The following AGMO variants were observed in gnomAD, a reference collection of about 807,000 sequenced individuals.
AGMO encodes the protein alkylglycerol monooxygenase.
Under a neutral mutation model 60.2 loss-of-function variants are expected in AGMO, and 75 were observed. That is an observed-to-expected ratio of 1.25 (90% CI 1.03 to 1.51). The LOEUF (loss-of-function observed/expected upper bound fraction) is 1.51. AGMO is among the 40% of genes most tolerant of loss of function. The pLI is 0.00. For synonymous variants in AGMO, 261 were observed against 177.1 expected, an observed-to-expected ratio of 1.47 and a Z score of -3.76; for missense variants, 763 against 525.5, an observed-to-expected ratio of 1.45 and a Z score of -4.42.
At chr7:15,270,214 T>A (rs1378876902) in intron 12 of AGMO, among the ~76,000 whole-genome samples, 1 of 151,890 alleles carries the variant, frequency 6.6e-6, no homozygotes, top group African/African-American at 2.4e-5. Flanking sequence ...GTTGTACTAA[T>A]TTACATTCCC....
chr7:15,365,009 A>G (rs1004596779), intron 12 of AGMO, among the ~76,000 whole-genome samples: 5 of 152,066 alleles, frequency 3.3e-5, no homozygotes, highest in South Asian at 2.1e-4. Context: ...TTCTTGGAAG[A>G]TAAGAATTAA....
intron 12 of AGMO, among the ~76,000 whole-genome samples, chr7:15,217,800 A>T (rs1781787949): frequency 6.6e-6 from 1 of 152,006 alleles, no homozygotes; most frequent in South Asian, 2.1e-4. Flanking sequence ...TAACAATAGA[A>T]AGCAAAATAG....
intron 12 of AGMO, among the ~76,000 whole-genome samples, chr7:15,348,811 C>G (rs139159841): frequency 1.0e-3 from 153 of 152,106 alleles, no homozygotes; most frequent in African/African-American, 3.4e-3. Flanking sequence ...ATGAAAATCA[C>G]ATGCAAAAAT....
chr7:15,404,308 C>T (rs1259767022), intron 5 of AGMO, among the ~76,000 whole-genome samples: 1 of 151,828 alleles, frequency 6.6e-6, no homozygotes, highest in Non-Finnish European at 1.5e-5. Flanking sequence ...TTACATTATT[C>T]TTCAAACAAA....
chr7:15,396,592 G>A (rs1009599179), intron 5 of AGMO: 3 of 152,214 alleles, frequency 2.0e-5, no homozygotes, highest in Non-Finnish European at 4.4e-5. Flanking sequence ...TGCTTGGATC[G>A]CCAGCTTTTA....
intron 3 of AGMO, among the ~76,000 whole-genome samples, chr7:15,465,728 G>T (rs2128510293): frequency 6.6e-6 from 1 of 151,604 alleles, no homozygotes; most frequent in Admixed American, 6.6e-5. Flanking sequence ...TTACAGGCGT[G>T]AGCACCACAC....
rs925008517 is a variant in AGMO, at chr7:15,277,978, T to C, written c.1264-76619A>G. Among the ~76,000 whole-genome samples the C allele has an allele frequency of 4.6e-5, 7 of 152,214 alleles. No homozygotes were observed. In the East Asian group the frequency reaches 1.4e-3, roughly 30 times the overall value. The stretch of plus-strand genomic sequence containing the variant: ...GGTCTCTGTGGAGGTGAGGGGTCTG[T>C]ACAAGTTTTACATCCAAGATAGACA... On this transcript the variant is annotated intron_variant, in intron 12 of 12. Coordinates refer to ENST00000342526, the MANE Select transcript of AGMO (RefSeq NM_001004320.2).
At chr7:15,384,485 A>G (rs117933187) in intron 10 of AGMO, among the ~76,000 whole-genome samples, 5,687 of 152,060 alleles carry the variant, frequency 0.037, 144 homozygotes, top group South Asian at 0.11. Context: ...ATTTTTGTAT[A>G]TTTTATCCAT....
At chr7:15,298,398 T>C (rs568323627) in intron 12 of AGMO, among the ~76,000 whole-genome samples, 10 of 152,206 alleles carry the variant, frequency 6.6e-5, no homozygotes, top group Admixed American at 2.0e-4. Context: ...TGTGTGTCTG[T>C]GTGTGTTTGT....
At chr7:15,379,808 C>T (rs879780724) in intron 10 of AGMO, among the ~76,000 whole-genome samples, 2 of 152,052 alleles carry the variant, frequency 1.3e-5, no homozygotes, top group African/African-American at 4.8e-5. Context: ...AAAAGCTTAT[C>T]CACCATGATT....
At chr7:15,278,132 T>G (rs1055783792) in intron 12 of AGMO, among the ~76,000 whole-genome samples, 1 of 152,130 alleles carries the variant, frequency 6.6e-6, no homozygotes, top group African/African-American at 2.4e-5. Context: ...GTCCCACAGC[T>G]CTACACAGGA....
chr7:15,170,519 T>A, the AGMO span, among the ~76,000 whole-genome samples: 1 of 152,190 alleles, frequency 6.6e-6, no homozygotes, highest in Non-Finnish European at 1.5e-5. Flanking sequence ...TACATCTATA[T>A]GCACTTTCCA....
chr7:15,486,219 A>C (rs1177918382), intron 3 of AGMO, among the ~76,000 whole-genome samples: 2 of 152,142 alleles, frequency 1.3e-5, no homozygotes, highest in Non-Finnish European at 2.9e-5. Flanking sequence ...CTCTATCAGC[A>C]AGCTCAGTGG....
intron 3 of AGMO, among the ~76,000 whole-genome samples, chr7:15,447,219 G>A (rs769671404): frequency 6.6e-6 from 1 of 152,168 alleles, no homozygotes; most frequent in Non-Finnish European, 1.5e-5. Flanking sequence ...AATCTTGATC[G>A]ACTTAATGAC....
intron 12 of AGMO, among the ~76,000 whole-genome samples, chr7:15,332,267 T>C (rs890160409): frequency 6.6e-6 from 1 of 152,120 alleles, no homozygotes; most frequent in East Asian, 1.9e-4. Flanking sequence ...TTTCTCCCTA[T>C]CAGGACTCCC....
intron 2 of AGMO, among the ~76,000 whole-genome samples, chr7:15,553,888 TC>T (rs1192244836): frequency 6.6e-6 from 1 of 151,766 alleles, no homozygotes; most frequent in Non-Finnish European, 1.5e-5. Flanking sequence ...AGTCAAGCCT[TC>T]CCCCCACCAC....
intron 12 of AGMO, among the ~76,000 whole-genome samples, chr7:15,235,773 A>T (rs2128500903): frequency 6.6e-6 from 1 of 152,288 alleles, no homozygotes; most frequent in African/African-American, 2.4e-5. Context: ...CTCTCTTTGG[A>T]TAGAAGAAGG....
intron 3 of AGMO, among the ~76,000 whole-genome samples, chr7:15,468,407 C>G (rs143506355): frequency 3.3e-5 from 5 of 152,012 alleles, no homozygotes; most frequent in Admixed American, 2.0e-4. Context: ...TCTATGTTAT[C>G]TAATAATTTC....
intron 3 of AGMO, among the ~76,000 whole-genome samples, chr7:15,537,773 T>C (rs1169916889): frequency 1.3e-5 from 2 of 152,094 alleles, no homozygotes; most frequent in Non-Finnish European, 2.9e-5. Flanking sequence ...ACATATGGAA[T>C]CTCAGAACAC....
Sources: gnomAD v4.1 joint callset for allele counts (sites outside exome capture counted in the v4.1 genomes callset) on GRCh38, gnomAD v4.1.1 for gene constraint, MANE v1.5 for transcripts, NCBI Gene and HGNC (gene_info 2026-07-23, HGNC 2026-07-21) for gene names.